The following LUZP2 variants were observed in gnomAD, a reference collection of about 807,000 sequenced individuals.
The protein encoded by LUZP2 is leucine zipper protein 2.
Under a neutral mutation model 51.6 loss-of-function variants are expected in LUZP2, and 52 were observed. The ratio of observed to expected loss-of-function variants is 1.01; its 90% CI spans 0.81 to 1.27. The LOEUF is 1.27. Ranked by LOEUF, LUZP2 falls within the 50% of genes most tolerant of loss-of-function variation. LUZP2 has a pLI of 0.00. For synonymous variants in LUZP2, 154 were observed against 137.3 expected, an observed-to-expected ratio of 1.12 and a Z score of -0.85; for missense variants, 436 against 395.4, an observed-to-expected ratio of 1.10 and a Z score of -0.87.
intron 5 of LUZP2, among the ~76,000 whole-genome samples, chr11:24,877,942 T>G (rs902189709): frequency 3.3e-5 from 5 of 152,184 alleles, no homozygotes; most frequent in African/African-American, 1.2e-4. Context: ...CAGGATCTCA[T>G]ATTTTTTACG....
intron 5 of LUZP2, among the ~76,000 whole-genome samples, chr11:24,897,805 A>G (rs1853131582): frequency 6.6e-6 from 1 of 151,930 alleles, no homozygotes; most frequent in Admixed American, 6.6e-5. Flanking sequence ...TCCTTTTTTT[A>G]ATGGGGTTAT....
chr11:25,004,963 T>C (rs181971974), intron 9 of LUZP2, among the ~76,000 whole-genome samples: 7 of 152,306 alleles, frequency 4.6e-5, no homozygotes, highest in South Asian at 4.1e-4. Flanking sequence ...CACAAGAGCA[T>C]GACATCTCTC....
chr11:24,617,920 C>G (rs1854345003), intron 1 of LUZP2, among the ~76,000 whole-genome samples: 1 of 152,056 alleles, frequency 6.6e-6, no homozygotes, highest in African/African-American at 2.4e-5. Flanking sequence ...TTATGAAACT[C>G]TTGTCTTATT....
intron 1 of LUZP2, among the ~76,000 whole-genome samples, chr11:24,597,672 A>T (rs1189788399): frequency 6.6e-6 from 1 of 152,204 alleles, no homozygotes; most frequent in East Asian, 1.9e-4. Context: ...AAATAAAGCA[A>T]TAAAAGTGCG....
At chr11:24,681,699 T>C (rs1856742180) in intron 1 of LUZP2, among the ~76,000 whole-genome samples, 1 of 152,178 alleles carries the variant, frequency 6.6e-6, no homozygotes, top group African/African-American at 2.4e-5. Flanking sequence ...TTAACACATC[T>C]TGAATTAATA....
chr11:24,885,658 A>G (rs942679345), intron 5 of LUZP2, among the ~76,000 whole-genome samples: 2 of 152,132 alleles, frequency 1.3e-5, no homozygotes, highest in African/African-American at 4.8e-5. Flanking sequence ...ACATCAGGAA[A>G]AGTCATCATC....
chr11:24,882,171 T>C (rs1490136292), intron 5 of LUZP2, among the ~76,000 whole-genome samples: 2 of 152,012 alleles, frequency 1.3e-5, no homozygotes, highest in Non-Finnish European at 2.9e-5. Flanking sequence ...AATGAATACA[T>C]ATCTTACATG....
rs76506988 is a variant in LUZP2 at position 24,532,866 on chromosome 11, T to C, written c.62+35561T>C. Among the ~76,000 whole-genome samples, 23 of 151,250 alleles carry C rather than the reference T, an allele frequency of 1.5e-4. No individual in the cohort carries two copies. In the East Asian group the frequency reaches 4.5e-3, roughly 29 times the overall value. ...TAATTATATTATCAGGTAAATTGTA[T>C]AATAAAACCTTTCATCAAGAAATAA... is the stretch of plus-strand genomic sequence containing the variant. On this transcript the variant is annotated intron_variant, in intron 1 of 11. Transcript: ENST00000336930.
At chr11:24,600,955 T>A (rs1056302920) in intron 1 of LUZP2, among the ~76,000 whole-genome samples, 1 of 152,146 alleles carries the variant, frequency 6.6e-6, no homozygotes, top group African/African-American at 2.4e-5. Context: ...AAAACAGACT[T>A]CACAAATGTA....
chr11:24,807,356 G>A (rs2134128916), intron 5 of LUZP2, among the ~76,000 whole-genome samples: 1 of 152,038 alleles, frequency 6.6e-6, no homozygotes, highest in South Asian at 2.1e-4. Context: ...CAGCTACTTG[G>A]GAGGCTGAGG....
intron 8 of LUZP2, among the ~76,000 whole-genome samples, chr11:24,981,235 T>A (rs561108518): frequency 6.6e-5 from 10 of 151,956 alleles, no homozygotes; most frequent in African/African-American, 2.2e-4. Context: ...AGGAACTTAA[T>A]GGGCAGTAGG....
chr11:24,999,222 A>G (rs80067441), intron 9 of LUZP2, among the ~76,000 whole-genome samples: 3,064 of 152,244 alleles, frequency 0.02, 48 homozygotes, highest in South Asian at 0.082. Context: ...TTAGTTCTTT[A>G]TTGACCTTCA....
chr11:24,891,042 T>C, intron 5 of LUZP2: 1 of 984,112 alleles, frequency 1.0e-6, no homozygotes, highest in Non-Finnish European at 1.2e-6. Context: ...GGAACTCAAA[T>C]GTTAAAAAGT....
intron 5 of LUZP2, among the ~76,000 whole-genome samples, chr11:24,831,246 A>G (rs1448184386): frequency 6.6e-6 from 1 of 152,206 alleles, no homozygotes; most frequent in African/African-American, 2.4e-5. Context: ...TTGGAGCACA[A>G]TGTCTAGCTC....
At chr11:24,676,462 T>C (rs929895123) in intron 1 of LUZP2, among the ~76,000 whole-genome samples, 2 of 152,164 alleles carry the variant, frequency 1.3e-5, no homozygotes, top group African/African-American at 2.4e-5. Context: ...TTTAACACTA[T>C]CATTAAAGTG....
At chr11:24,686,069 G>A (rs2133879157) in intron 1 of LUZP2, among the ~76,000 whole-genome samples, 1 of 152,166 alleles carries the variant, frequency 6.6e-6, no homozygotes, top group Non-Finnish European at 1.5e-5. Context: ...TTTCTTGAAG[G>A]ACTGAGTAAG....
intron 1 of LUZP2, among the ~76,000 whole-genome samples, chr11:24,692,193 A>C (rs1198170030): frequency 3.3e-5 from 5 of 152,034 alleles, no homozygotes; most frequent in Admixed American, 2.0e-4. Flanking sequence ...TATTTTACAG[A>C]GATCAAAAGA....
chr11:24,662,908 G>A (rs947755932), intron 1 of LUZP2, among the ~76,000 whole-genome samples: 9 of 151,906 alleles, frequency 5.9e-5, no homozygotes, highest in Non-Finnish European at 1.2e-4. Context: ...AGATACAAGT[G>A]TGAGACAGTT....
At chr11:24,874,359 A>G (rs1480919931) in intron 5 of LUZP2, among the ~76,000 whole-genome samples, 2 of 152,150 alleles carry the variant, frequency 1.3e-5, no homozygotes, top group Non-Finnish European at 2.9e-5. Context: ...AGGCAGGTGA[A>G]ACATGGCTTT....
Sources: allele counts gnomAD v4.1 joint callset (sites outside exome capture counted in the v4.1 genomes callset), GRCh38; gene constraint gnomAD v4.1.1; transcripts MANE v1.5; gene names NCBI Gene and HGNC (gene_info 2026-07-23, HGNC 2026-07-21).